The following ZNF438 variants were observed in gnomAD, a reference collection of about 807,000 sequenced individuals.
The protein encoded by ZNF438 is zinc finger protein 438.
ZNF438 carries 25 observed loss-of-function variants against 38.0 expected under a neutral mutation model. The observed-to-expected ratio is 0.66, with a 90% confidence interval of 0.48 to 0.92. The LOEUF (loss-of-function observed/expected upper bound fraction) is 0.92, where lower values mean the gene tolerates loss of function less well. ZNF438 is among the 40% of genes least tolerant of loss of function. The pLI is 0.00. For synonymous variants in ZNF438, 372 were observed against 364.1 expected (o/e 1.02, Z -0.25); for missense variants, 1,007 against 999.6 (o/e 1.01, Z -0.10).
At chr10:30,953,702 G>C (rs1228284104) in intron 1 of ZNF438, among the ~76,000 whole-genome samples, 1 of 150,864 alleles carries the variant, frequency 6.6e-6, no homozygotes, top group Admixed American at 6.6e-5. Context: ...ATTGGCTTTG[G>C]GACCAGAGGT....
In ZNF438 at chr10:30,934,528, T is replaced by C. The variant is rs557185313; in HGVS notation, c.-115+7047A>G. 1.1e-4 allele frequency among the ~76,000 whole-genome samples: 17 copies of C among 152,368 alleles called. No homozygotes were observed. In the South Asian group the frequency reaches 3.1e-3, roughly 28 times the overall value. On this transcript the variant is annotated intron_variant, in intron 2 of 5. Coordinates refer to ENST00000413025, the Ensembl canonical transcript of ZNF438. Reference sequence around the variant, plus strand: ...GCATTTGTAAGTTGATATTAATAGCTCATAACTGTCTTGCAGTACTCACCA... The same window carrying C: ...GCATTTGTAAGTTGATATTAATAGCCCATAACTGTCTTGCAGTACTCACCA...
At chr10:30,890,083 CAAAAAAAAAAAAAAAAAAAA>C (rs2040489865) in intron 3 of ZNF438, among the ~76,000 whole-genome samples, 1 of 93,382 alleles carries the variant, frequency 1.1e-5, no homozygotes, top group African/African-American at 3.7e-5. Context: ...TTGGCATTTC[CAAAAAAAAAAAAAAAAAAAA>C]GAAAAAAAAA....
intron 1 of ZNF438, among the ~76,000 whole-genome samples, chr10:31,022,320 G>A (rs560201145): frequency 6.6e-6 from 1 of 151,800 alleles, no homozygotes; most frequent in Non-Finnish European, 1.5e-5. Flanking sequence ...GGAATGCAGT[G>A]GTACAATCTC....
intron 2 of ZNF438, chr10:30,919,993 A>G (rs1397157463): frequency 6.6e-6 from 1 of 152,176 alleles, no homozygotes; most frequent in African/African-American, 2.4e-5. Flanking sequence ...CCTCATCAGT[A>G]TTAGGGGCAG....
intron 4 of ZNF438, among the ~76,000 whole-genome samples, chr10:30,868,325 C>A (rs1326534933): frequency 6.6e-6 from 1 of 152,310 alleles, no homozygotes; most frequent in East Asian, 1.9e-4. Flanking sequence ...CCCGCCTCAG[C>A]CTCCCAAAGT....
chr10:30,869,834 T>G (rs990637088), intron 4 of ZNF438, among the ~76,000 whole-genome samples: 25 of 152,336 alleles, frequency 1.6e-4, no homozygotes, highest in Non-Finnish European at 2.6e-4. Flanking sequence ...ACATAATATT[T>G]TGGTAATACA....
chr10:30,941,431 C>T (rs2046810685), intron 2 of ZNF438, 144 bp downstream of exon 3: 1 of 152,086 alleles, frequency 6.6e-6, no homozygotes, highest in African/African-American at 2.4e-5. Context: ...TCCACTATTT[C>T]CCAAGACCAG....
At chr10:30,917,216 C>T (rs2043745155) in intron 2 of ZNF438, among the ~76,000 whole-genome samples, 2 of 152,082 alleles carry the variant, frequency 1.3e-5, no homozygotes, top group Admixed American at 1.3e-4. Flanking sequence ...TTATGAATAA[C>T]CACAGTCTGT....
At chr10:30,949,936 G>C (rs142808477) in intron 1 of ZNF438, among the ~76,000 whole-genome samples, 8,491 of 152,156 alleles carry the variant, frequency 0.056, 747 homozygotes, top group African/African-American at 0.19. Flanking sequence ...CAAATCAACA[G>C]AATATACATT....
At chr10:30,994,411 T>C (rs1176329296) in intron 1 of ZNF438, among the ~76,000 whole-genome samples, 3 of 152,218 alleles carry the variant, frequency 2.0e-5, no homozygotes, top group Admixed American at 6.5e-5. Context: ...AGTAGATTAA[T>C]AAGTTACTGG....
chr10:31,028,742 C>G (rs1447399733), intron 1 of ZNF438, among the ~76,000 whole-genome samples: 1 of 152,184 alleles, frequency 6.6e-6, no homozygotes, highest in Non-Finnish European at 1.5e-5. Flanking sequence ...CAAAACCTAA[C>G]CAAATGCCCA....
At chr10:31,006,029 C>T (rs528994665) in intron 1 of ZNF438, among the ~76,000 whole-genome samples, 2 of 152,150 alleles carry the variant, frequency 1.3e-5, no homozygotes, top group African/African-American at 4.8e-5. Flanking sequence ...GATGTCCATC[C>T]CTTATTCCCT....
intron 1 of ZNF438, among the ~76,000 whole-genome samples, chr10:30,968,785 G>T (rs1355509155): frequency 6.6e-6 from 1 of 151,970 alleles, no homozygotes; most frequent in African/African-American, 2.4e-5. Context: ...GTGAAGGCAT[G>T]GTAAAATATT....
At chr10:30,939,974 T>G (rs939733004) in intron 2 of ZNF438, among the ~76,000 whole-genome samples, 11 of 152,200 alleles carry the variant, frequency 7.2e-5, no homozygotes, top group African/African-American at 2.7e-4. Context: ...GAACTAGACA[T>G]GAACTTTTGG....
At chr10:30,848,033 C>A (rs1196400386) in intron 5 of ZNF438, among the ~76,000 whole-genome samples, 1 of 152,184 alleles carries the variant, frequency 6.6e-6, no homozygotes, top group Non-Finnish European at 1.5e-5. Context: ...AAATGACACC[C>A]CAAGGATCCC....
chr10:30,898,923 C>T (rs766759985), intron 3 of ZNF438, among the ~76,000 whole-genome samples: 5 of 152,182 alleles, frequency 3.3e-5, no homozygotes, highest in East Asian at 1.9e-4. Flanking sequence ...AAAATAATTT[C>T]AACTTAGTAA....
chr10:31,013,268 G>A (rs1203202868), intron 1 of ZNF438, among the ~76,000 whole-genome samples: 25 of 151,528 alleles, frequency 1.6e-4, no homozygotes, highest in Non-Finnish European at 3.4e-4. Flanking sequence ...GCAGTGAGCC[G>A]AGATCCCGCC....
intron 4 of ZNF438, 32 bp from the exon 6 acceptor site, chr10:30,850,399 G>C (rs1416931228): frequency 6.3e-7 from 1 of 1,575,568 alleles, no homozygotes; most frequent in African/African-American, 1.3e-5. Flanking sequence ...AAGAGTTACT[G>C]TATGTAACTG....
At chr10:30,868,465 A>G (rs568993965) in intron 4 of ZNF438, among the ~76,000 whole-genome samples, 46 of 152,330 alleles carry the variant, frequency 3.0e-4, no homozygotes, top group African/African-American at 9.9e-4. Context: ...AATTAATACA[A>G]GTTAGATGCT....
Sources: gnomAD v4.1 joint callset for allele counts (sites outside exome capture counted in the v4.1 genomes callset) on GRCh38, gnomAD v4.1.1 for gene constraint, MANE v1.5 for transcripts, NCBI Gene and HGNC (gene_info 2026-07-23, HGNC 2026-07-21) for gene names.